Variants in NPHP4 observed in about 807,000 individuals in gnomAD.
NPHP4 encodes nephrocystin-4.
NPHP4 carries 151 observed loss-of-function variants against 155.8 expected under a neutral mutation model. The observed-to-expected ratio is 0.97, with a 90% CI of 0.85 to 1.11. The LOEUF (loss-of-function observed/expected upper bound fraction) is 1.11. Ranked by LOEUF, NPHP4 falls within the 50% of genes least tolerant of loss-of-function variation. The probability of loss-of-function intolerance (pLI) is 0.00; values close to 1 mark genes in which losing one functional copy is unlikely to be tolerated. For missense variants in NPHP4, 1,956 were observed against 1,925.7 expected (o/e 1.02, Z -0.29); for synonymous variants, 845 against 816.8 (o/e 1.03, Z -0.59).
chr1:5,865,180 G>C lies in NPHP4; in HGVS notation c.3738C>G (p.Thr1246=). The part of the protein sequence containing the change: ...VDVSCVAGQL[T]RLSLVLRGTQ... ...TCCCCCGAAGGACAAGGGACAGGCG[G>C]GTCAGCTGGCCTGCGACGCAGGAGA... Residue 1246 remains threonine, a synonymous_variant, in exon 27 of 30, where the codon ACC becomes ACG. Coordinates refer to ENST00000378156, the MANE Select transcript of NPHP4 (RefSeq NM_015102.5). 3 of 1,612,818 alleles carry C rather than the reference G, an allele frequency of 1.9e-6. No homozygotes were observed. Among genetic ancestry groups the C allele is most frequent in the Non-Finnish European group, 2.5e-6 (3 of 1,179,424 alleles).
chr1:5,909,362 C>G, intron 11 of NPHP4, 149 bp from the exon 12 acceptor site: 1 of 704,254 alleles, frequency 1.4e-6, no homozygotes, highest in Middle Eastern at 3.6e-4. Context: ...TCAGGGGCAA[C>G]AGCAGCAAGG....
intron 6 of NPHP4, among the ~76,000 whole-genome samples, chr1:5,960,533 C>T (rs1650109324): frequency 6.6e-6 from 1 of 152,090 alleles, no homozygotes; most frequent in Non-Finnish European, 1.5e-5. Context: ...GGTCCCCGCC[C>T]CTCACACACA....
At chr1:5,966,717 C>T (rs1280011918) in intron 5 of NPHP4, among the ~76,000 whole-genome samples, 1 of 152,170 alleles carries the variant, frequency 6.6e-6, no homozygotes, top group African/African-American at 2.4e-5. Context: ...AGCCTCTGTG[C>T]TCTGAGCCTC....
At chr1:5,921,341 TTCTC>T (rs1324487477) in intron 11 of NPHP4, among the ~76,000 whole-genome samples, 1 of 152,264 alleles carries the variant, frequency 6.6e-6, no homozygotes, top group South Asian at 2.1e-4. Flanking sequence ...GAACCGGTTG[TTCTC>T]TCTAACAGTC....
At chr1:5,942,722 G>T (rs1277219225) in intron 9 of NPHP4, among the ~76,000 whole-genome samples, 1 of 152,030 alleles carries the variant, frequency 6.6e-6, no homozygotes, top group African/African-American at 2.4e-5. Flanking sequence ...ACATGGATCA[G>T]TTCAACAGAC....
At chr1:5,975,479 C>A (rs1428901221) in intron 3 of NPHP4, among the ~76,000 whole-genome samples, 1 of 152,174 alleles carries the variant, frequency 6.6e-6, no homozygotes, top group Non-Finnish European at 1.5e-5. Context: ...TGCTGCATTC[C>A]CTTCTTCAGC....
intron 2 of NPHP4, among the ~76,000 whole-genome samples, chr1:5,984,790 A>G (rs1655221849): frequency 1.3e-5 from 2 of 152,328 alleles, no homozygotes; most frequent in Non-Finnish European, 1.5e-5. Context: ...AAATGGGGAA[A>G]TAAAATTTCC....
chr1:5,949,034 G>A (rs1012411198), intron 7 of NPHP4, among the ~76,000 whole-genome samples: 14 of 152,122 alleles, frequency 9.2e-5, no homozygotes. Flanking sequence ...TTTGGATAAC[G>A]AAAATAAAAC....
At chr1:5,958,561 C>T (rs906453699) in intron 6 of NPHP4, among the ~76,000 whole-genome samples, 3 of 151,876 alleles carry the variant, frequency 2.0e-5, no homozygotes, top group Admixed American at 1.3e-4. Context: ...TGGGCATGGT[C>T]GTGAACACTT....
In NPHP4 at chr1:5,867,964, A is replaced by C. The variant is rs186349541; in HGVS notation, c.3316-68T>G. 18 of 1,534,102 alleles carry C rather than the reference A, an allele frequency of 1.2e-5. No homozygotes were observed. In the African/African-American group the frequency reaches 2.0e-4, roughly 17 times the overall value. On this transcript the variant is annotated intron_variant, in intron 23 of 29. Coordinates refer to ENST00000378156, the MANE Select transcript of NPHP4 (RefSeq NM_015102.5). The surrounding 1 kb of genome is among the most constrained non-coding windows in gnomAD (Gnocchi z 4.1). ...TGTGAGCAGCTTCTTGTCCCTCCTT[A>C]GACAGCACACGTATCTCCACTGTTG...
At chr1:5,917,122 G>T (rs527959894) in intron 11 of NPHP4, among the ~76,000 whole-genome samples, 24 of 152,238 alleles carry the variant, frequency 1.6e-4, no homozygotes, top group African/African-American at 5.8e-4. Context: ...CTCTTCTGGT[G>T]GTTTTCCTTT....
intron 6 of NPHP4, among the ~76,000 whole-genome samples, chr1:5,958,432 C>T (rs1649650193): frequency 6.6e-6 from 1 of 152,134 alleles, no homozygotes; most frequent in African/African-American, 2.4e-5. Context: ...CCATGGCTCA[C>T]ACCTGTAATC....
intron 9 of NPHP4, among the ~76,000 whole-genome samples, chr1:5,943,295 T>C (rs752048467): frequency 1.3e-5 from 2 of 152,218 alleles, no homozygotes; most frequent in Non-Finnish European, 2.9e-5. Flanking sequence ...CCTAGTTTGT[T>C]TCCAATGACT....
intron 7 of NPHP4, among the ~76,000 whole-genome samples, chr1:5,950,148 T>C (rs574200961): frequency 1.3e-5 from 2 of 152,330 alleles, no homozygotes; most frequent in Admixed American, 6.5e-5. Flanking sequence ...AATGAATTTA[T>C]GTTTTTAAAA....
chr1:5,908,603 G>A lies in NPHP4; in HGVS notation c.1503+549C>T, dbSNP rs111902685. On this transcript the variant is annotated intron_variant, in intron 12 of 29. Coordinates refer to ENST00000378156, the MANE Select transcript of NPHP4 (RefSeq NM_015102.5). Reference sequence around the variant, plus strand: ...TCAGCTCAGACCGCTGGCGGGCAACGGCCCAGCGGGAAGGCGCCTCTCCTC... The same window carrying A: ...TCAGCTCAGACCGCTGGCGGGCAACAGCCCAGCGGGAAGGCGCCTCTCCTC... Among the ~76,000 whole-genome samples, 965 of 152,232 alleles carry A rather than the reference G, an allele frequency of 6.3e-3. 4 individuals are homozygous for A. The highest frequency in any genetic ancestry group is 0.01 in the Non-Finnish European group (705 of 68,002).
Position 5,879,987 on chromosome 1 carries a change from C to T in NPHP4, c.2611+127G>A. On this transcript the variant is annotated intron_variant, in intron 19 of 29. Transcript: ENST00000378156. ...CGTCCTAGACGCAGAGGGGCACTGA[C>T]AGCACCACGAATGGTGCACACACAC... The T allele has an allele frequency of 2.6e-6, 3 of 1,142,234 alleles. No individual in the cohort carries two copies. The South Asian group carries it at 4.4e-5, about 17-fold the overall frequency. The allele number at this position is 1,142,234 out of a possible 1,614,324, so 70.8% of individuals were successfully genotyped here.
rs559694742 is a variant in NPHP4, at chr1:5,914,309, C to T, written c.1442-5096G>A. ...AAAGGCCTGGTGTGGTGGCATGCAC[C>T]TGTGGTCCCAGCTACATGGGAGGCA... is the stretch of plus-strand genomic sequence containing the variant. On this transcript the variant is annotated intron_variant, in intron 11 of 29. Transcript: ENST00000378156. Among the ~76,000 whole-genome samples the T allele has an allele frequency of 2.8e-5, 4 of 142,812 alleles. 1 individual carries two copies. In the South Asian group the frequency reaches 9.1e-4, roughly 32 times the overall value. The allele number at this position is 142,812 out of a possible 152,430, so 93.7% of individuals were successfully genotyped here.
chr1:5,872,976 G>A (rs1642159533), intron 23 of NPHP4, among the ~76,000 whole-genome samples: 2 of 152,212 alleles, frequency 1.3e-5, no homozygotes, highest in Admixed American at 6.5e-5. Flanking sequence ...CAGCCACCAC[G>A]GGAACTGCGG....
intron 7 of NPHP4, among the ~76,000 whole-genome samples, chr1:5,948,917 TA>T (rs1359192874): frequency 6.6e-6 from 1 of 152,192 alleles, no homozygotes; most frequent in African/African-American, 2.4e-5. Context: ...CCCTGGCTAT[TA>T]GTGTTTATTA....
Sources: gnomAD v4.1 joint callset for allele counts (sites outside exome capture counted in the v4.1 genomes callset) on GRCh38, gnomAD v4.1.1 for gene constraint, Gnocchi (gnomAD v3.1) non-coding constraint, MANE v1.5 for transcripts, NCBI Gene and HGNC (gene_info 2026-07-23, HGNC 2026-07-21) for gene names.